Variants in STPG2 observed in about 807,000 individuals in gnomAD.
The protein encoded by STPG2 is sperm-tail PG-rich repeat-containing protein 2.
In STPG2, 56 loss-of-function variants were observed where a neutral mutation model predicts 54.2. That is an observed-to-expected ratio of 1.03 (90% CI 0.83 to 1.29). The LOEUF (loss-of-function observed/expected upper bound fraction) is 1.29. STPG2 is among the 50% of genes most tolerant of loss of function. The probability of loss-of-function intolerance (pLI) is 0.00; values close to 1 mark genes in which losing one functional copy is unlikely to be tolerated. For synonymous variants in STPG2, 200 were observed against 181.8 expected (o/e 1.10, Z -0.81); for missense variants, 596 against 544.9 (o/e 1.09, Z -0.93).
rs1731728403 is a variant in STPG2 at position 97,912,761 on chromosome 4, G to A, written c.1044+31136C>T. 2.0e-5 allele frequency among the ~76,000 whole-genome samples: 3 copies of A among 152,210 alleles called. No homozygotes were observed. In the South Asian group the frequency reaches 6.2e-4, roughly 31 times the overall value. On this transcript the variant is annotated intron_variant, in intron 8 of 10. Transcript: ENST00000295268. Reference sequence around the variant, plus strand: ...AGAAAGAACAGAATCAAGTTGGAAAGCATACTGCAGGATATCATCTAGGAG... The same window carrying A: ...AGAAAGAACAGAATCAAGTTGGAAAACATACTGCAGGATATCATCTAGGAG...
intron 5 of STPG2, among the ~76,000 whole-genome samples, chr4:98,098,452 G>A (rs191375966): frequency 1.8e-4 from 27 of 152,144 alleles, no homozygotes; most frequent in Admixed American, 1.6e-3. Context: ...TCTCTCTCTT[G>A]CCTTACACAA....
chr4:97,473,419 G>A (rs931524735), intron 4 of STPG2, among the ~76,000 whole-genome samples: 39 of 152,188 alleles, frequency 2.6e-4, no homozygotes, highest in African/African-American at 9.1e-4. Flanking sequence ...GAAACCGTAG[G>A]GATGAAATCA....
At chr4:97,563,467 T>A (rs1286225207) in intron 10 of STPG2, among the ~76,000 whole-genome samples, 1 of 152,210 alleles carries the variant, frequency 6.6e-6, no homozygotes, top group Non-Finnish European at 1.5e-5. Flanking sequence ...TAGTTATTTC[T>A]TGCCTTCTGC....
At chr4:97,684,880 C>T (rs1486841436) in intron 10 of STPG2, among the ~76,000 whole-genome samples, 2 of 151,766 alleles carry the variant, frequency 1.3e-5, no homozygotes, top group Non-Finnish European at 2.9e-5. Flanking sequence ...CCAAAATATA[C>T]AATTTTTTAA....
intron 5 of STPG2, among the ~76,000 whole-genome samples, chr4:97,995,705 G>T (rs754517185): frequency 1.3e-5 from 2 of 152,008 alleles, no homozygotes; most frequent in Non-Finnish European, 2.9e-5. Context: ...CCCTGCATGG[G>T]GTTACCACAC....
chr4:97,531,692 G>T (rs1353903584), intron 4 of STPG2, among the ~76,000 whole-genome samples: 1 of 152,106 alleles, frequency 6.6e-6, no homozygotes, highest in Admixed American at 6.5e-5. Context: ...GAGAGTAGAG[G>T]TATAGTTACC....
intron 4 of STPG2, among the ~76,000 whole-genome samples, chr4:97,468,550 A>C (rs902096141): frequency 6.6e-6 from 1 of 152,004 alleles, no homozygotes; most frequent in Non-Finnish European, 1.5e-5. Flanking sequence ...TATTGCATGC[A>C]CTACTTTATA....
intron 9 of STPG2, among the ~76,000 whole-genome samples, chr4:97,781,828 A>AC (rs1165237796): frequency 4.6e-5 from 7 of 152,330 alleles, no homozygotes; most frequent in Admixed American, 1.3e-4. Flanking sequence ...CCAAAGAAAA[A>AC]AACCACAGGA....
At chr4:97,623,916 G>A (rs1430823703) in intron 10 of STPG2, among the ~76,000 whole-genome samples, 1 of 152,028 alleles carries the variant, frequency 6.6e-6, no homozygotes, top group Non-Finnish European at 1.5e-5. Flanking sequence ...GCATTAGTTT[G>A]CTGAGGATAA....
At chr4:97,951,169 C>G (rs1480116627) in intron 7 of STPG2, among the ~76,000 whole-genome samples, 2 of 152,166 alleles carry the variant, frequency 1.3e-5, no homozygotes, top group Non-Finnish European at 2.9e-5. Context: ...CTCACTGTCC[C>G]CTACCCACCA....
At chr4:97,896,986 A>T (rs1004493602) in intron 8 of STPG2, among the ~76,000 whole-genome samples, 4 of 151,836 alleles carry the variant, frequency 2.6e-5, no homozygotes, top group Admixed American at 2.0e-4. Flanking sequence ...GGTTTGTTGC[A>T]CAAATTATTT....
At chr4:98,097,385 C>A (rs917486949) in intron 5 of STPG2, among the ~76,000 whole-genome samples, 1 of 152,086 alleles carries the variant, frequency 6.6e-6, no homozygotes, top group Non-Finnish European at 1.5e-5. Flanking sequence ...ACTATATGGT[C>A]ATTTCAATTG....
At chr4:98,089,927 T>G (rs1005920399) in intron 5 of STPG2, among the ~76,000 whole-genome samples, 2 of 152,150 alleles carry the variant, frequency 1.3e-5, no homozygotes, top group Non-Finnish European at 2.9e-5. Context: ...TTGTTTGACT[T>G]CCTTGTAAAT....
chr4:98,016,854 G>A (rs1735963395), intron 5 of STPG2, among the ~76,000 whole-genome samples: 1 of 152,098 alleles, frequency 6.6e-6, no homozygotes, highest in South Asian at 2.1e-4. Context: ...ATTGGTGTCT[G>A]TGCATTTGAA....
At chr4:97,818,202 TATAG>T (rs769912511) in intron 9 of STPG2, among the ~76,000 whole-genome samples, 1 of 151,944 alleles carries the variant, frequency 6.6e-6, no homozygotes, top group Non-Finnish European at 1.5e-5. Flanking sequence ...ATATTATCTA[TATAG>T]AGAGATATAA....
chr4:97,945,738 T>C (rs965357510), intron 7 of STPG2, among the ~76,000 whole-genome samples: 1 of 152,096 alleles, frequency 6.6e-6, no homozygotes, highest in Admixed American at 6.6e-5. Context: ...GGTTTGTTTA[T>C]TGGTTTTTGT....
intron 10 of STPG2, among the ~76,000 whole-genome samples, chr4:97,597,567 G>A (rs781148414): frequency 1.1e-4 from 16 of 151,696 alleles, no homozygotes; most frequent in Non-Finnish European, 1.8e-4. Flanking sequence ...TGGGATGCAA[G>A]GTTGTTTCAA....
chr4:97,799,715 T>C (rs541782697), intron 9 of STPG2, among the ~76,000 whole-genome samples: 294 of 152,296 alleles, frequency 1.9e-3, no homozygotes, highest in African/African-American at 7.0e-3. Flanking sequence ...ATTTCCTGAA[T>C]TTGAATGTTG....
intron 4 of STPG2, among the ~76,000 whole-genome samples, chr4:97,487,731 G>A (rs1204221489): frequency 6.6e-6 from 1 of 151,264 alleles, no homozygotes; most frequent in Non-Finnish European, 1.5e-5. Context: ...TACCATCCGT[G>A]TTTAAGAATT....
Sources: allele counts gnomAD v4.1 joint callset (sites outside exome capture counted in the v4.1 genomes callset), GRCh38; gene constraint gnomAD v4.1.1; transcripts MANE v1.5; gene names NCBI Gene and HGNC (gene_info 2026-07-23, HGNC 2026-07-21).